The following LRRC28 variants were observed in gnomAD, a reference collection of about 807,000 sequenced individuals.
LRRC28 encodes leucine-rich repeat-containing protein 28.
A neutral mutation model predicts 45.7 loss-of-function variants in LRRC28; 39 were observed. That is an observed-to-expected ratio of 0.85 (90% CI 0.66 to 1.12). LRRC28 has a LOEUF of 1.12. LRRC28 is among the 50% of genes most tolerant of loss of function. The pLI is 0.00. For synonymous variants in LRRC28, 206 were observed against 178.8 expected, an observed-to-expected ratio of 1.15 and a Z score of -1.22; for missense variants, 435 against 438.5, an observed-to-expected ratio of 0.99 and a Z score of 0.07.
chr15:99,294,692 C>T (rs1228408401), intron 5 of LRRC28, among the ~76,000 whole-genome samples: 1 of 152,222 alleles, frequency 6.6e-6, no homozygotes, highest in African/African-American at 2.4e-5. Context: ...TAATTCCACT[C>T]ATGAGCGTTT....
rs893143179 is a variant in LRRC28 at position 99,308,778 on chromosome 15, C to T, written c.385+20827C>T. The stretch of plus-strand genomic sequence containing the variant: ...AAAGTTAGTGGCATAAAACAACACA[C>T]ATTTATTATCTCAATTTCTATGGAT... On this transcript the variant is annotated intron_variant, in intron 5 of 9. Transcript: ENST00000301981. Among the ~76,000 whole-genome samples, 3 of 152,320 alleles carry T rather than the reference C, an allele frequency of 2.0e-5. No individual in the cohort carries two copies. The South Asian group carries it at 6.2e-4, about 32-fold the overall frequency.
chr15:99,381,949 G>A (rs1053351129), intron 9 of LRRC28, among the ~76,000 whole-genome samples: 1 of 152,222 alleles, frequency 6.6e-6, no homozygotes, highest in Non-Finnish European at 1.5e-5. Flanking sequence ...CTACTGGAGG[G>A]TGCCTCCCAG....
chr15:99,266,514 C>T (rs2081337196), intron 2 of LRRC28, among the ~76,000 whole-genome samples: 1 of 151,974 alleles, frequency 6.6e-6, no homozygotes, highest in Admixed American at 6.6e-5. Context: ...ATAATTAATA[C>T]CCAGTGTTGG....
At chr15:99,293,078 A>G (rs1269037083) in intron 5 of LRRC28, among the ~76,000 whole-genome samples, 9 of 151,894 alleles carry the variant, frequency 5.9e-5, no homozygotes, top group Non-Finnish European at 1.2e-4. Flanking sequence ...TATTTCCTCC[A>G]TTGGCTTTTC....
intron 5 of LRRC28, among the ~76,000 whole-genome samples, chr15:99,307,594 C>G (rs1567647880): frequency 6.6e-6 from 1 of 152,042 alleles, no homozygotes; most frequent in Non-Finnish European, 1.5e-5. Flanking sequence ...GTTCTCAGAC[C>G]AAAAGTATGT....
In LRRC28 at chr15:99,387,234, G is replaced by C. The variant is rs574326126; in HGVS notation, c.*1132G>C. On this transcript the variant is annotated 3_prime_UTR_variant, in exon 10 of 10. Transcript: ENST00000301981. Reference sequence around the variant, plus strand: ...CGCCACCACGCCCGGCTAATTTTTTGTATTTTTAGTAGAGACGGGGTTTCA... The same window carrying C: ...CGCCACCACGCCCGGCTAATTTTTTCTATTTTTAGTAGAGACGGGGTTTCA... The C allele has an allele frequency of 2.7e-5, 4 of 149,274 alleles. No homozygotes were observed. Among genetic ancestry groups the C allele is most frequent in the Non-Finnish European group, 5.9e-5 (4 of 67,354 alleles). The allele number at this position is 149,274 out of a possible 1,614,324, so 9.2% of individuals were successfully genotyped here.
At chr15:99,277,286 T>G (rs1261235765) in intron 3 of LRRC28, among the ~76,000 whole-genome samples, 1 of 152,184 alleles carries the variant, frequency 6.6e-6, no homozygotes, top group Non-Finnish European at 1.5e-5. Context: ...CTCCCATCTT[T>G]TCTGTCATTT....
At chr15:99,300,128 TTAA>T (rs1252232351) in intron 5 of LRRC28, among the ~76,000 whole-genome samples, 2 of 152,096 alleles carry the variant, frequency 1.3e-5, no homozygotes, top group African/African-American at 4.8e-5. Context: ...TTTTTTTTTC[TTAA>T]TAACAGCAGG....
intron 6 of LRRC28, among the ~76,000 whole-genome samples, chr15:99,346,602 A>AT (rs978849026): frequency 1.3e-5 from 2 of 152,138 alleles, no homozygotes; most frequent in Non-Finnish European, 2.9e-5. Flanking sequence ...TAGAACATTA[A>AT]TTTTTTTAGG....
At position 99,387,958 on chromosome 15, in the gene LRRC28, A is replaced by C. The variant is rs1958077939; in HGVS notation, c.*1856A>C. On this transcript the variant is annotated 3_prime_UTR_variant, in exon 10 of 10. Coordinates refer to ENST00000301981, the MANE Select transcript of LRRC28 (RefSeq NM_144598.5). ...ACCGTCCACGTAGAATGGAGAAGGCAGAAAGTTACCGTGTGTTCCCACTGT... is the reference window on the plus strand; with the variant it reads ...ACCGTCCACGTAGAATGGAGAAGGCCGAAAGTTACCGTGTGTTCCCACTGT... 6.6e-6 allele frequency: 1 copy of C among 152,240 alleles called. No homozygotes were observed. The highest frequency in any genetic ancestry group is 1.5e-5 in the Non-Finnish European group (1 of 68,046). 9.4% of individuals were successfully genotyped at this position (152,240 alleles called of 1,614,324 possible).
chr15:99,258,272 G>A (rs1261246108), intron 2 of LRRC28: 13 of 1,559,482 alleles, frequency 8.3e-6, no homozygotes, highest in East Asian at 2.2e-5. Context: ...ACACAACAAC[G>A]ATACCCAGTA....
At chr15:99,291,449 A>C (rs1175144622) in intron 5 of LRRC28, among the ~76,000 whole-genome samples, 2 of 152,170 alleles carry the variant, frequency 1.3e-5, no homozygotes, top group Non-Finnish European at 2.9e-5. Flanking sequence ...GTTATGATTT[A>C]AGTCTGTAAG....
chr15:99,334,287 A>G (rs1173394723), intron 6 of LRRC28, among the ~76,000 whole-genome samples, 158 bp downstream of exon 6: 1 of 152,188 alleles, frequency 6.6e-6, no homozygotes, highest in Non-Finnish European at 1.5e-5. Flanking sequence ...ATTCCTAGCT[A>G]ACAAATGGAA....
At chr15:99,257,664 G>A (rs746898009) in intron 2 of LRRC28, 63 of 738,246 alleles carry the variant, frequency 8.5e-5, no homozygotes, top group Middle Eastern at 2.4e-4. Flanking sequence ...CCTCTGCTGC[G>A]TCCTGCTGAC....
intron 6 of LRRC28, chr15:99,337,855 A>C (rs1006998761): frequency 2.6e-5 from 4 of 152,368 alleles, no homozygotes; most frequent in African/African-American, 9.6e-5. Context: ...TACTTTACTT[A>C]AGAAAAGCAT....
At chr15:99,343,178 A>G (rs1438353667) in intron 6 of LRRC28, among the ~76,000 whole-genome samples, 2 of 152,216 alleles carry the variant, frequency 1.3e-5, no homozygotes, top group Non-Finnish European at 2.9e-5. Flanking sequence ...CAAATAATTT[A>G]TTTTGATTGA....
intron 5 of LRRC28, among the ~76,000 whole-genome samples, chr15:99,305,610 C>T (rs12594709): frequency 0.097 from 14,717 of 152,014 alleles, 1,018 homozygotes; most frequent in East Asian, 0.33. Context: ...AATATCAGGG[C>T]TTGTTTATTT....
intron 5 of LRRC28, among the ~76,000 whole-genome samples, chr15:99,300,205 A>G (rs1469160301): frequency 1.3e-5 from 2 of 152,154 alleles, no homozygotes; most frequent in Non-Finnish European, 2.9e-5. Context: ...TTTTTCTTAA[A>G]TGAGATAGTT....
intron 5 of LRRC28, among the ~76,000 whole-genome samples, chr15:99,289,223 A>G (rs1318647746): frequency 2.6e-5 from 4 of 152,196 alleles, no homozygotes; most frequent in Non-Finnish European, 5.9e-5. Flanking sequence ...TTCCACTGTC[A>G]TATATGGTTT....
Sources: gnomAD v4.1 joint callset for allele counts (sites outside exome capture counted in the v4.1 genomes callset) on GRCh38, gnomAD v4.1.1 for gene constraint, MANE v1.5 for transcripts, NCBI Gene and HGNC (gene_info 2026-07-23, HGNC 2026-07-21) for gene names.